CACNA1C: variants seen among roughly 807,000 people sequenced by gnomAD.
CACNA1C encodes the protein voltage-dependent L-type calcium channel subunit alpha-1C.
In CACNA1C, 30 loss-of-function variants were observed where a neutral mutation model predicts 229.0. That is an observed-to-expected ratio of 0.13 (90% CI 0.10 to 0.18). The LOEUF (loss-of-function observed/expected upper bound fraction) is 0.18. Ranked by LOEUF, CACNA1C falls within the 10% of genes least tolerant of loss-of-function variation. The pLI is 1.00. For missense variants in CACNA1C, 1,658 were observed against 2,845.0 expected (o/e 0.58, Z 9.49); for synonymous variants, 1,114 against 1,132.5 (o/e 0.98, Z 0.33).
Position 2,586,037 on chromosome 12 carries a change from G to T in CACNA1C, c.2530+133G>T, listed in dbSNP as rs562098005. 9.7e-4 allele frequency: 530 copies of T among 544,562 alleles called. 1 individual carries two copies. Among genetic ancestry groups the T allele is most frequent in the South Asian group, 1.9e-3 (58 of 30,668 alleles). The allele number at this position is 544,562 out of a possible 1,614,324, so 33.7% of individuals were successfully genotyped here. A position where few individuals can be genotyped will look rare whatever the true frequency, so the allele number is the denominator to read the frequency against. On this transcript the variant is annotated intron_variant, in intron 18 of 46. Transcript: ENST00000399655. The stretch of plus-strand genomic sequence containing the variant: ...CTCTGTAAGTACCTTCCACTGCTGA[G>T]TGTCTTCTATCTCTATATTTAAGCA...
In CACNA1C at chr12:2,253,823, A is replaced by G. The variant is rs574531288; in HGVS notation, c.477+133393A>G. Among the ~76,000 whole-genome samples the G allele has an allele frequency of 7.5e-4, 115 of 152,350 alleles. 1 individual carries two copies. The highest frequency in any genetic ancestry group is 2.6e-3 in the African/African-American group (107 of 41,580). On this transcript the variant is annotated intron_variant, in intron 3 of 46. Coordinates refer to ENST00000399655, the MANE Select transcript of CACNA1C (RefSeq NM_000719.7). Reference sequence around the variant, plus strand: ...CATGTTGCAATGGAAGATTTCTTCTATCTCATTGGGAGCACTTAATAACCT... The same window carrying G: ...CATGTTGCAATGGAAGATTTCTTCTGTCTCATTGGGAGCACTTAATAACCT...
chr12:2,588,259 C>T (rs1024848711), intron 18 of CACNA1C, among the ~76,000 whole-genome samples: 1 of 152,264 alleles, frequency 6.6e-6, no homozygotes, highest in African/African-American at 2.4e-5. Flanking sequence ...CCAACCGCTG[C>T]CCCTTCCAGG....
At chr12:2,343,533 GA>G (rs917887751) in intron 3 of CACNA1C, among the ~76,000 whole-genome samples, 3 of 151,258 alleles carry the variant, frequency 2.0e-5, no homozygotes, top group African/African-American at 4.9e-5. Flanking sequence ...TACTTATACT[GA>G]AAAAAAAATT....
rs893276222 is a variant in CACNA1C at position 2,403,785 on chromosome 12, C to G, written c.478-45191C>G. 6.6e-6 allele frequency among the ~76,000 whole-genome samples: 1 copy of G among 152,212 alleles called. No individual in the cohort carries two copies. The highest frequency in any genetic ancestry group is 1.5e-5 in the Non-Finnish European group (1 of 68,040). ...CATCACTCAGGGGCTGCGTGGAGCA[C>G]TCGGTGCCTTTCCCACCACAAGATG... is the stretch of plus-strand genomic sequence containing the variant. On this transcript the variant is annotated intron_variant, in intron 3 of 46. Coordinates refer to ENST00000399655, the MANE Select transcript of CACNA1C (RefSeq NM_000719.7). This position sits in a 1 kb window ranked among gnomAD's most constrained non-coding sequence, Gnocchi z 4.1.
intron 3 of CACNA1C, among the ~76,000 whole-genome samples, chr12:2,326,321 C>T (rs973623418): frequency 1.2e-4 from 18 of 152,196 alleles, no homozygotes; most frequent in Non-Finnish European, 1.5e-4. Context: ...TAAAACTGCA[C>T]ATTTTGAAAA....
intron 1 of CACNA1C, among the ~76,000 whole-genome samples, chr12:2,097,320 G>A (rs2154092098): frequency 6.6e-6 from 1 of 151,966 alleles, no homozygotes; most frequent in East Asian, 1.9e-4. Flanking sequence ...TAATTTTTTT[G>A]TATTTTTAGT....
intron 1 of CACNA1C, among the ~76,000 whole-genome samples, chr12:2,091,305 G>C (rs917183160): frequency 1.7e-4 from 26 of 152,234 alleles, no homozygotes; most frequent in African/African-American, 6.3e-4. Context: ...TGGATGAGAG[G>C]CTGGGTATGT....
At chr12:2,023,723 C>T (rs897647518) in intron 1 of CACNA1C, among the ~76,000 whole-genome samples, 9 of 152,272 alleles carry the variant, frequency 5.9e-5, no homozygotes, top group Middle Eastern at 3.4e-3. Flanking sequence ...TCCAGTTTGA[C>T]AAAAATGTGC....
At chr12:2,406,094 A>T (rs968111225) in intron 3 of CACNA1C, among the ~76,000 whole-genome samples, 3 of 152,152 alleles carry the variant, frequency 2.0e-5, no homozygotes, top group Non-Finnish European at 4.4e-5. Flanking sequence ...CCTCTTTCTA[A>T]TACTCCTGGT....
chr12:2,503,169 G>A (rs867785162), intron 7 of CACNA1C, among the ~76,000 whole-genome samples: 2 of 152,222 alleles, frequency 1.3e-5, no homozygotes, highest in Non-Finnish European at 1.5e-5. Context: ...CCGTCAAAAC[G>A]TGGGTTGCTG....
At chr12:2,040,292 T>G (rs991716804) in intron 1 of CACNA1C, among the ~76,000 whole-genome samples, 13 of 152,196 alleles carry the variant, frequency 8.5e-5, no homozygotes, top group Non-Finnish European at 1.9e-4. Flanking sequence ...CTTTTAACAT[T>G]GAACTGCTCT....
At chr12:2,465,044 T>C (rs1459041661) in intron 5 of CACNA1C, among the ~76,000 whole-genome samples, 2 of 152,216 alleles carry the variant, frequency 1.3e-5, no homozygotes, top group East Asian at 1.9e-4. Context: ...TTTCCTCCTA[T>C]GTAAAATGGG....
At chr12:2,581,993 G>T (rs942402961) in intron 14 of CACNA1C, among the ~76,000 whole-genome samples, 196 bp downstream of exon 14, 7 of 151,404 alleles carry the variant, frequency 4.6e-5, no homozygotes, top group African/African-American at 1.7e-4. Flanking sequence ...TTCCACTAGT[G>T]GGTGGACCAT....
chr12:2,332,058 G>T (rs2154514926), intron 3 of CACNA1C, among the ~76,000 whole-genome samples: 1 of 152,218 alleles, frequency 6.6e-6, no homozygotes, highest in African/African-American at 2.4e-5. Flanking sequence ...TTCTTATTTT[G>T]CTCATCACAG....
chr12:2,162,952 G>C (rs2095974470), intron 3 of CACNA1C, among the ~76,000 whole-genome samples: 1 of 152,036 alleles, frequency 6.6e-6, no homozygotes, highest in Admixed American at 6.5e-5. Context: ...GAAAACCCAC[G>C]GATATGCCTT....
At chr12:2,463,014 G>T (rs921557143) in intron 5 of CACNA1C, among the ~76,000 whole-genome samples, 2 of 148,862 alleles carry the variant, frequency 1.3e-5, no homozygotes, top group Admixed American at 6.8e-5. Flanking sequence ...CTGGGTTCAC[G>T]CCATTCTCCT....
At chr12:2,452,218 A>G (rs2099385340) in intron 4 of CACNA1C, among the ~76,000 whole-genome samples, 1 of 151,956 alleles carries the variant, frequency 6.6e-6, no homozygotes, top group Non-Finnish European at 1.5e-5. Context: ...CTGCATTGCT[A>G]TTCTGGTGGC....
intron 3 of CACNA1C, among the ~76,000 whole-genome samples, chr12:2,136,321 C>G (rs112559972): frequency 6.6e-6 from 1 of 151,208 alleles, no homozygotes; most frequent in Non-Finnish European, 1.5e-5. Flanking sequence ...GGCTCCTCCT[C>G]GAGACCTTTC....
At chr12:2,165,942 TAATA>T (rs2096201409) in intron 3 of CACNA1C, among the ~76,000 whole-genome samples, 1 of 152,184 alleles carries the variant, frequency 6.6e-6, no homozygotes, top group African/African-American at 2.4e-5. Flanking sequence ...AGCCAAACTT[TAATA>T]AATACTCAGA....
Sources: gnomAD v4.1 joint callset for allele counts (sites outside exome capture counted in the v4.1 genomes callset) on GRCh38, gnomAD v4.1.1 for gene constraint, Gnocchi (gnomAD v3.1) non-coding constraint, MANE v1.5 for transcripts, NCBI Gene and HGNC (gene_info 2026-07-23, HGNC 2026-07-21) for gene names.